The following PTPRD variants were observed in gnomAD, a reference collection of about 807,000 sequenced individuals.
PTPRD encodes the protein protein tyrosine phosphatase receptor type D.
Under a neutral mutation model 214.5 loss-of-function variants are expected in PTPRD, and 34 were observed. The observed-to-expected ratio is 0.16, with a 90% CI of 0.12 to 0.21. The LOEUF is 0.21. PTPRD is among the 10% of genes least tolerant of loss of function. The pLI is 1.00. For missense variants in PTPRD, 2,545 were observed against 2,398.7 expected, an observed-to-expected ratio of 1.06 and a Z score of -1.27; for synonymous variants, 1,128 against 845.7, an observed-to-expected ratio of 1.33 and a Z score of -5.79.
intron 10 of PTPRD, among the ~76,000 whole-genome samples, chr9:9,106,041 T>A (rs557895224): frequency 6.6e-6 from 1 of 152,116 alleles, no homozygotes. Flanking sequence ...GGGGGGTCGA[T>A]GGCTGAGATA....
At chr9:9,342,817 C>A (rs932181894) in intron 9 of PTPRD, among the ~76,000 whole-genome samples, 1 of 151,954 alleles carries the variant, frequency 6.6e-6, no homozygotes, top group African/African-American at 2.4e-5. Context: ...CCCATCAACC[C>A]GTCATCTACA....
chr9:8,728,891 G>C (rs556532690), intron 12 of PTPRD, among the ~76,000 whole-genome samples: 10 of 152,184 alleles, frequency 6.6e-5, no homozygotes, highest in African/African-American at 2.4e-4. Context: ...GAGGCAAGAG[G>C]ATTGCTGGAA....
intron 11 of PTPRD, among the ~76,000 whole-genome samples, chr9:8,940,427 CT>C (rs1555559274): frequency 1.4e-5 from 2 of 144,204 alleles, no homozygotes; most frequent in Non-Finnish European, 3.0e-5. Flanking sequence ...GGATTACAGG[CT>C]CCTATCACCA....
rs2097817555 is a variant in PTPRD, at chr9:8,518,019, C to T, written c.1372G>A (p.Asp458Asn). 1 of 1,614,188 alleles carries T rather than the reference C, an allele frequency of 6.2e-7. No homozygotes were observed. Residue 458 changes from aspartate to asparagine, a missense_variant, in exon 21 of 46, where the codon GAT (aspartate) becomes AAT (asparagine). Coordinates refer to ENST00000381196, the MANE Select transcript of PTPRD (RefSeq NM_002839.4). ...CAGTTGTTGACATGTTGAGTGGGAT[C>T]CATTGTATAATAAACTCTATATCCT... ...IQGYRVYYTM[D>N]PTQHVNNWMK...
At chr9:10,453,871 T>C (rs1364697841) in intron 2 of PTPRD, among the ~76,000 whole-genome samples, 1 of 151,700 alleles carries the variant, frequency 6.6e-6, no homozygotes, top group African/African-American at 2.4e-5. Context: ...CCTTGTCTTC[T>C]TCTAGATATT....
chr9:9,183,848 C>A (rs1442834269), intron 9 of PTPRD, among the ~76,000 whole-genome samples: 1 of 151,972 alleles, frequency 6.6e-6, no homozygotes, highest in Non-Finnish European at 1.5e-5. Flanking sequence ...CCTACTCGTT[C>A]TGGGACGAAT....
At chr9:9,412,625 C>G (rs2075819155) in intron 8 of PTPRD, among the ~76,000 whole-genome samples, 1 of 152,204 alleles carries the variant, frequency 6.6e-6, no homozygotes, top group African/African-American at 2.4e-5. Flanking sequence ...ACTCCACCAA[C>G]TCCAACTTTC....
intron 11 of PTPRD, among the ~76,000 whole-genome samples, chr9:8,754,197 G>C (rs903893334): frequency 6.6e-6 from 1 of 152,104 alleles, no homozygotes; most frequent in Non-Finnish European, 1.5e-5. Flanking sequence ...GTTTATCTAT[G>C]AATTCACTGT....
intron 5 of PTPRD, among the ~76,000 whole-genome samples, chr9:9,935,068 T>C (rs1016687992): frequency 1.3e-5 from 2 of 152,104 alleles, no homozygotes; most frequent in Admixed American, 1.3e-4. Context: ...ATTGATGGGA[T>C]GTATTTCAAA....
chr9:10,575,219 T>C (rs1474053267), intron 2 of PTPRD, among the ~76,000 whole-genome samples: 2 of 152,040 alleles, frequency 1.3e-5, no homozygotes, highest in Admixed American at 1.3e-4. Context: ...TCATCATTAT[T>C]AAGAATTTAA....
intron 8 of PTPRD, among the ~76,000 whole-genome samples, chr9:9,474,147 T>C (rs895539329): frequency 6.6e-6 from 1 of 152,076 alleles, no homozygotes; most frequent in Non-Finnish European, 1.5e-5. Flanking sequence ...TGGTGAGAGA[T>C]AGGGGTTTAA....
intron 5 of PTPRD, among the ~76,000 whole-genome samples, chr9:9,792,141 C>CTTTTTT (rs1555088727): frequency 1.3e-5 from 2 of 151,064 alleles, no homozygotes; most frequent in Non-Finnish European, 3.0e-5. Flanking sequence ...TCACATTACT[C>CTTTTTT]TTTATTTTTT....
intron 2 of PTPRD, among the ~76,000 whole-genome samples, chr9:10,355,224 T>G (rs2097255304): frequency 1.3e-5 from 2 of 152,306 alleles, no homozygotes; most frequent in African/African-American, 4.8e-5. Flanking sequence ...TGTATCTTGG[T>G]ATTTAATAGA....
chr9:10,417,286 T>A (rs1251406934), intron 2 of PTPRD, among the ~76,000 whole-genome samples: 1 of 151,928 alleles, frequency 6.6e-6, no homozygotes, highest in East Asian at 2.0e-4. Flanking sequence ...CTGTGTACCT[T>A]CTTCCAATGA....
intron 11 of PTPRD, among the ~76,000 whole-genome samples, chr9:8,801,952 CTGAGA>C (rs1409923456): frequency 6.6e-5 from 10 of 152,124 alleles, no homozygotes; most frequent in Admixed American, 5.9e-4. Flanking sequence ...GAAATGTGAA[CTGAGA>C]TAATTCCCAC....
chr9:10,461,969 T>C (rs540177889), intron 2 of PTPRD, among the ~76,000 whole-genome samples: 22 of 151,934 alleles, frequency 1.4e-4, no homozygotes, highest in African/African-American at 5.1e-4. Context: ...TATATAGAGA[T>C]GGAAAATAAA....
intron 11 of PTPRD, among the ~76,000 whole-genome samples, chr9:8,913,816 T>C (rs2098765371): frequency 6.6e-6 from 1 of 152,102 alleles, no homozygotes; most frequent in Admixed American, 6.5e-5. Context: ...GTCAGTGAGG[T>C]ATTGTGATTA....
At chr9:10,416,218 C>T (rs1438927450) in intron 2 of PTPRD, among the ~76,000 whole-genome samples, 1 of 151,494 alleles carries the variant, frequency 6.6e-6, no homozygotes, top group Non-Finnish European at 1.5e-5. Flanking sequence ...ATTAGCCAGG[C>T]ATGGTGGCAT....
At chr9:10,455,285 T>C (rs1030085699) in intron 2 of PTPRD, among the ~76,000 whole-genome samples, 1 of 151,718 alleles carries the variant, frequency 6.6e-6, no homozygotes, top group Non-Finnish European at 1.5e-5. Flanking sequence ...TTTATTTCTC[T>C]GCTTTCAGTT....
Sources: gnomAD v4.1 joint callset for allele counts (sites outside exome capture counted in the v4.1 genomes callset) on GRCh38, gnomAD v4.1.1 for gene constraint, MANE v1.5 for transcripts, NCBI Gene and HGNC (gene_info 2026-07-23, HGNC 2026-07-21) for gene names.